Variants in TMCC1 observed in about 807,000 individuals in gnomAD.
TMCC1 encodes transmembrane and coiled-coil domain family 1, also known as transmembrane and coiled-coil domains protein 1.
In TMCC1, 15 loss-of-function variants were observed where a neutral mutation model predicts 52.4. The observed-to-expected ratio is 0.29, with a 90% CI of 0.19 to 0.44. The LOEUF (loss-of-function observed/expected upper bound fraction) is 0.44. Ranked by LOEUF, TMCC1 falls within the 20% of genes least tolerant of loss-of-function variation. The probability of loss-of-function intolerance (pLI) is 1.00; values close to 1 mark genes in which losing one functional copy is unlikely to be tolerated. For missense variants in TMCC1, 503 were observed against 806.0 expected (o/e 0.62, Z 4.55); for synonymous variants, 279 against 301.9 (o/e 0.92, Z 0.79).
Position 129,827,836 on chromosome 3 carries a change from T to C in TMCC1, c.543A>G (p.Ala181=). The change falls in exon 4 of 7, where the codon GCA becomes GCG. Residue 181 remains alanine, a synonymous_variant. Transcript: ENST00000393238. ...CAGTTCCCTCCTCTCCTGGTAGACA[T>C]GCAGCAGCAGCAGCAGCAGCAGCAC... ...IACAAAAAAA[A]CLPGEEGTAE... 5 of 1,601,146 alleles carry C rather than the reference T, an allele frequency of 3.1e-6. No individual in the cohort carries two copies. Among genetic ancestry groups the C allele is most frequent in the South Asian group, 1.1e-5 (1 of 89,970 alleles).
chr3:129,886,757 T>G (rs1577230263), intron 1 of TMCC1, among the ~76,000 whole-genome samples: 1 of 150,586 alleles, frequency 6.6e-6, no homozygotes, highest in African/African-American at 2.4e-5. Flanking sequence ...CTGGCCAACA[T>G]GGTGAAACCG....
intron 4 of TMCC1, among the ~76,000 whole-genome samples, chr3:129,826,569 G>A (rs2058670912): frequency 6.6e-6 from 1 of 151,864 alleles, no homozygotes. Context: ...TAAATTTTTT[G>A]AATTTTAATT....
At chr3:129,890,787 T>C (rs2108020691) in intron 1 of TMCC1, among the ~76,000 whole-genome samples, 1 of 152,328 alleles carries the variant, frequency 6.6e-6, no homozygotes, top group Admixed American at 6.5e-5. Flanking sequence ...ATGCAGACCA[T>C]ACTTTTTGAG....
intron 4 of TMCC1, among the ~76,000 whole-genome samples, chr3:129,704,138 G>A (rs2048040959): frequency 6.6e-6 from 1 of 152,200 alleles, no homozygotes; most frequent in South Asian, 2.1e-4. Context: ...CTAAGAGAAT[G>A]ATGATGCAAT....
chr3:129,799,761 G>A (rs1476401241), intron 4 of TMCC1, among the ~76,000 whole-genome samples: 1 of 152,104 alleles, frequency 6.6e-6, no homozygotes, highest in Non-Finnish European at 1.5e-5. Context: ...GCAGTGAGCC[G>A]AGATCATGCC....
intron 4 of TMCC1, among the ~76,000 whole-genome samples, chr3:129,767,297 A>G (rs1367227480): frequency 6.6e-6 from 1 of 151,490 alleles, no homozygotes; most frequent in Non-Finnish European, 1.5e-5. Flanking sequence ...CATGCATTGT[A>G]TAATTTATCC....
intron 4 of TMCC1, among the ~76,000 whole-genome samples, chr3:129,740,012 C>T (rs2051321253): frequency 6.6e-6 from 1 of 152,242 alleles, no homozygotes; most frequent in Non-Finnish European, 1.5e-5. Flanking sequence ...TTAGTTTTCT[C>T]TCAAATAATG....
At chr3:129,811,876 G>A (rs561066626) in intron 4 of TMCC1, among the ~76,000 whole-genome samples, 6 of 151,694 alleles carry the variant, frequency 4.0e-5, no homozygotes, top group Admixed American at 2.0e-4. Context: ...CCCAGTAGGC[G>A]GAGGTTGCAG....
At chr3:129,794,573 A>G (rs1201145484) in intron 4 of TMCC1, among the ~76,000 whole-genome samples, 1 of 152,108 alleles carries the variant, frequency 6.6e-6, no homozygotes, top group Non-Finnish European at 1.5e-5. Context: ...GTGGGGCAGT[A>G]ATCCTGAAGC....
At position 129,649,096 on chromosome 3, in the gene TMCC1, GA is replaced by G; in HGVS notation, c.*2384del. 1 of 152,112 alleles carries G rather than the reference GA, an allele frequency of 6.6e-6. No individual in the cohort carries two copies. The highest frequency in any genetic ancestry group is 1.5e-5 in the Non-Finnish European group (1 of 68,028). 9.4% of individuals were successfully genotyped at this position (152,112 alleles called of 1,614,324 possible). A position where few individuals can be genotyped will look rare whatever the true frequency, so the allele number is the denominator to read the frequency against. On this transcript the variant is annotated 3_prime_UTR_variant, in exon 7 of 7. Transcript: ENST00000393238. ...ATAGAAACCGTCCCAGGGCAAATAG[GA>G]ACAGTTTCAATCCATCTATCAAAGT...
chr3:129,722,485 A>C (rs970725131), intron 4 of TMCC1, among the ~76,000 whole-genome samples: 4 of 152,140 alleles, frequency 2.6e-5, no homozygotes, highest in African/African-American at 9.7e-5. Flanking sequence ...TGCTGGTTTA[A>C]TCTACACTCA....
At chr3:129,871,084 C>T (rs953927589) in intron 2 of TMCC1, among the ~76,000 whole-genome samples, 13 of 151,880 alleles carry the variant, frequency 8.6e-5, no homozygotes, top group African/African-American at 1.2e-4. Flanking sequence ...CTTGCCTGGG[C>T]GCGGTGGCTC....
intron 4 of TMCC1, among the ~76,000 whole-genome samples, chr3:129,775,393 A>G (rs1314534769): frequency 6.6e-6 from 1 of 152,078 alleles, no homozygotes; most frequent in Non-Finnish European, 1.5e-5. Context: ...TCTGAGCCCA[A>G]GAGTTCAAGG....
chr3:129,888,065 T>C (rs571851165), intron 1 of TMCC1, among the ~76,000 whole-genome samples: 1 of 152,210 alleles, frequency 6.6e-6, no homozygotes, highest in Non-Finnish European at 1.5e-5. Context: ...AAGAACTATC[T>C]GTAAGTCTCT....
intron 4 of TMCC1, among the ~76,000 whole-genome samples, chr3:129,713,837 A>G (rs554298655): frequency 2.0e-5 from 3 of 152,320 alleles, no homozygotes; most frequent in Admixed American, 6.5e-5. Context: ...TCATTCTCAC[A>G]TACTAATTCT....
At chr3:129,845,961 GAGGTAC>G (rs2059647692) in intron 2 of TMCC1, among the ~76,000 whole-genome samples, 1 of 152,110 alleles carries the variant, frequency 6.6e-6, no homozygotes, top group Non-Finnish European at 1.5e-5. Flanking sequence ...TTGAGCTGGA[GAGGTAC>G]AGGCTGCAGT....
At position 129,827,889 on chromosome 3, in the gene TMCC1, T is replaced by C. The variant is rs1290399614; in HGVS notation, c.490A>G (p.Thr164Ala). 6.2e-6 allele frequency: 10 copies of C among 1,613,976 alleles called. No homozygotes were observed. Among genetic ancestry groups the C allele is most frequent in the African/African-American group, 1.3e-5 (1 of 74,930 alleles). The change falls in exon 4 of 7, where the codon ACC becomes GCC. Residue 164 changes from threonine (T) to alanine (A), a missense_variant. Around this residue, in one of 7 missense-constraint regions of TMCC1, gnomAD observed 217 missense variants for 297.9 expected, o/e 0.73. Transcript: ENST00000393238. ...PRSSSTTDAP[T>A]SSAMMEIACA... is the part of the protein sequence containing the mutation. ...GCTATTTCCATCATAGCAGAGCTGG[T>C]AGGTGCATCAGTTGTGGATGAAGAC...
chr3:129,722,789 C>T (rs778947727), intron 4 of TMCC1, among the ~76,000 whole-genome samples: 27 of 152,104 alleles, frequency 1.8e-4, no homozygotes, highest in Admixed American at 3.3e-4. Context: ...TCAGAACAAA[C>T]AGAGATGTGT....
Position 129,773,377 on chromosome 3 carries a change from C to A in TMCC1, c.576+54426G>T, listed in dbSNP as rs144100829. 2.0e-4 allele frequency among the ~76,000 whole-genome samples: 30 copies of A among 152,134 alleles called. No individual in the cohort carries two copies. The East Asian group carries it at 5.4e-3, about 27-fold the overall frequency. ...TATTTACACATTTGTTTGTACTTTTCTTTAATAGAAAGCAAAGCTAGGGGG... is the reference window on the plus strand; with the variant it reads ...TATTTACACATTTGTTTGTACTTTTATTTAATAGAAAGCAAAGCTAGGGGG... On this transcript the variant is annotated intron_variant, in intron 4 of 6. Transcript: ENST00000393238.
Sources: gnomAD v4.1 joint callset for allele counts (sites outside exome capture counted in the v4.1 genomes callset) on GRCh38, gnomAD v4.1.1 for gene constraint, gnomAD v4.1.1 regional missense constraint, MANE v1.5 for transcripts, NCBI Gene and HGNC (gene_info 2026-07-23, HGNC 2026-07-21) for gene names.